Variants in MAGI2 observed in about 807,000 individuals in gnomAD.
The protein encoded by MAGI2 is membrane-associated guanylate kinase, WW and PDZ domain-containing protein 2.
In MAGI2, 35 loss-of-function variants were observed where a neutral mutation model predicts 133.3. The observed-to-expected ratio is 0.26, with a 90% confidence interval of 0.20 to 0.35. The LOEUF is 0.35. MAGI2 is among the 10% of genes least tolerant of loss of function. The pLI, the probability that MAGI2 is intolerant of heterozygous loss-of-function variation, is 1.00. For missense variants in MAGI2, 1,636 were observed against 1,863.4 expected (o/e 0.88, Z 2.25); for synonymous variants, 729 against 710.6 (o/e 1.03, Z -0.41).
At chr7:78,509,711 C>T (rs1396541738) in intron 4 of MAGI2, among the ~76,000 whole-genome samples, 6 of 152,152 alleles carry the variant, frequency 3.9e-5, no homozygotes, top group South Asian at 2.1e-4. Context: ...TGGTTTTCAA[C>T]GTTCCCACCC....
intron 2 of MAGI2, among the ~76,000 whole-genome samples, chr7:78,958,446 T>C (rs1039548451): frequency 2.0e-5 from 3 of 152,148 alleles, no homozygotes; most frequent in African/African-American, 4.8e-5. Flanking sequence ...CTCAACATCA[T>C]GGTGTCATTT....
intron 1 of MAGI2, among the ~76,000 whole-genome samples, chr7:79,416,275 A>G (rs1430520740): frequency 6.6e-6 from 1 of 152,130 alleles, no homozygotes; most frequent in East Asian, 1.9e-4. Flanking sequence ...GGAGGGTAAA[A>G]GAGATGTTAG....
chr7:78,913,751 T>C (rs1798587077), intron 2 of MAGI2, among the ~76,000 whole-genome samples: 1 of 152,230 alleles, frequency 6.6e-6, no homozygotes, highest in Admixed American at 6.5e-5. Flanking sequence ...ATGATTTTAG[T>C]TGTGTTTCTG....
chr7:78,739,265 C>G (rs1822161862), intron 2 of MAGI2, among the ~76,000 whole-genome samples: 1 of 152,168 alleles, frequency 6.6e-6, no homozygotes, highest in Admixed American at 6.5e-5. Context: ...CAAAAAACAT[C>G]TCTGGCCAAA....
chr7:78,193,903 C>T (rs765223844), intron 12 of MAGI2, among the ~76,000 whole-genome samples: 1 of 152,280 alleles, frequency 6.6e-6, no homozygotes, highest in East Asian at 1.9e-4. Flanking sequence ...GTCTGCTTTC[C>T]CCTTTACCAG....
At chr7:78,163,170 C>T (rs1297291140) in intron 15 of MAGI2, among the ~76,000 whole-genome samples, 1 of 152,126 alleles carries the variant, frequency 6.6e-6, no homozygotes, top group African/African-American at 2.4e-5. Flanking sequence ...CAGAGTCTCA[C>T]TCTGTCGCCC....
chr7:78,290,588 C>A (rs895446556), intron 9 of MAGI2, among the ~76,000 whole-genome samples: 3 of 152,134 alleles, frequency 2.0e-5, no homozygotes, highest in African/African-American at 7.2e-5. Flanking sequence ...CTGCACCAAG[C>A]AGACCTAATA....
At chr7:78,854,194 C>A (rs1404299761) in intron 2 of MAGI2, among the ~76,000 whole-genome samples, 1 of 151,986 alleles carries the variant, frequency 6.6e-6, no homozygotes. Flanking sequence ...AAAATAAATA[C>A]AACAAATATT....
chr7:78,573,044 TA>T (rs1801691966), intron 3 of MAGI2, among the ~76,000 whole-genome samples: 1 of 59,046 alleles, frequency 1.7e-5, no homozygotes, highest in African/African-American at 1.1e-4. Context: ...TGTATATATA[TA>T]TATATATATA....
In MAGI2 at chr7:79,171,381, A is replaced by G. The variant is rs576636148; in HGVS notation, c.302-164175T>C. 8.5e-5 allele frequency among the ~76,000 whole-genome samples: 13 copies of G among 152,136 alleles called. No homozygotes were observed. The South Asian group carries it at 2.7e-3, about 32-fold the overall frequency. On this transcript the variant is annotated intron_variant, in intron 1 of 21. Transcript: ENST00000354212. ...ATTGGAATTAGGGGTCTACTCTACT[A>G]TAACTCATCTTAAATAATTATGTTT...
intron 10 of MAGI2, among the ~76,000 whole-genome samples, chr7:78,205,910 T>C (rs1829684055): frequency 6.6e-6 from 1 of 152,192 alleles, no homozygotes; most frequent in Admixed American, 6.5e-5. Context: ...TGCCTTCTCA[T>C]TGGGATCCTG....
chr7:78,066,129 C>T (rs557394967), intron 21 of MAGI2, among the ~76,000 whole-genome samples: 4 of 152,222 alleles, frequency 2.6e-5, no homozygotes, highest in Admixed American at 1.3e-4. Flanking sequence ...CTCATAAATT[C>T]ATAGAGTTCC....
In MAGI2 at chr7:78,671,436, G is replaced by T. The variant is rs77093157; in HGVS notation, c.419-44197C>A. 7.2e-4 allele frequency among the ~76,000 whole-genome samples: 109 copies of T among 152,230 alleles called. 2 individuals are homozygous for T. The East Asian group carries it at 0.02, about 28-fold the overall frequency. ...TCTGTGGTAGAGGAAAGCAGAGATAGCATGTGTGACTGAAATTCATGGACA... is the reference window on the plus strand; with the variant it reads ...TCTGTGGTAGAGGAAAGCAGAGATATCATGTGTGACTGAAATTCATGGACA... On this transcript the variant is annotated intron_variant, in intron 2 of 21. Coordinates refer to ENST00000354212, the MANE Select transcript of MAGI2 (RefSeq NM_012301.4).
At chr7:79,223,164 C>A (rs771294831) in intron 1 of MAGI2, among the ~76,000 whole-genome samples, 11 of 151,972 alleles carry the variant, frequency 7.2e-5, no homozygotes, top group Non-Finnish European at 1.3e-4. Flanking sequence ...GGATTATAGG[C>A]GTGAGCCACT....
chr7:79,217,006 G>A (rs542345370), intron 1 of MAGI2, among the ~76,000 whole-genome samples: 2 of 152,040 alleles, frequency 1.3e-5, no homozygotes, highest in Non-Finnish European at 1.5e-5. Flanking sequence ...ATAAAAGCAC[G>A]TGAAGCTAGT....
chr7:78,875,346 T>C (rs777761918), intron 2 of MAGI2, among the ~76,000 whole-genome samples: 8 of 152,114 alleles, frequency 5.3e-5, no homozygotes, highest in Non-Finnish European at 7.4e-5. Flanking sequence ...GAAAAGCAAC[T>C]AAAATTTATG....
chr7:78,745,918 T>A (rs1822886259), intron 2 of MAGI2, among the ~76,000 whole-genome samples: 1 of 152,172 alleles, frequency 6.6e-6, no homozygotes, highest in Non-Finnish European at 1.5e-5. Flanking sequence ...TCTTCTGCAG[T>A]CACCTGTTGA....
rs145775438 is a variant in MAGI2 at position 78,095,773 on chromosome 7, T to C, written c.3568-16688A>G. ...CACAAGGAGGTGGCTGGCCTCACTA[T>C]TGGTGACTCTCTAAATAAAATGTGA... On this transcript the variant is annotated intron_variant, in intron 20 of 21. Transcript: ENST00000354212. Among the ~76,000 whole-genome samples, 658 of 152,344 alleles carry C rather than the reference T, an allele frequency of 4.3e-3. 1 individual carries two copies. The highest frequency in any genetic ancestry group is 0.011 in the African/African-American group (449 of 41,574).
intron 6 of MAGI2, among the ~76,000 whole-genome samples, chr7:78,463,558 C>T (rs892861644): frequency 1.3e-5 from 2 of 152,100 alleles, no homozygotes; most frequent in African/African-American, 2.4e-5. Context: ...GCCCTCATAG[C>T]AATTAAATAT....
Sources: gnomAD v4.1 joint callset for allele counts (sites outside exome capture counted in the v4.1 genomes callset) on GRCh38, gnomAD v4.1.1 for gene constraint, MANE v1.5 for transcripts, NCBI Gene and HGNC (gene_info 2026-07-23, HGNC 2026-07-21) for gene names.